Variants in SLCO1B3 observed in about 807,000 individuals in gnomAD.
SLCO1B3 encodes the protein liver-specific organic anion transporter 2.
SLCO1B3 carries 72 observed loss-of-function variants against 71.8 expected under a neutral mutation model. That is an observed-to-expected ratio of 1.00 (90% CI 0.83 to 1.22). The LOEUF is 1.22. Ranked by LOEUF, SLCO1B3 falls within the 50% of genes most tolerant of loss-of-function variation. The pLI, the probability that SLCO1B3 is intolerant of heterozygous loss-of-function variation, is 0.00. For missense variants in SLCO1B3, 911 were observed against 819.7 expected (o/e 1.11, Z -1.36); for synonymous variants, 298 against 278.4 (o/e 1.07, Z -0.70).
chr12:20,910,964 A>G (rs546886724), intron 15 of SLCO1B3, among the ~76,000 whole-genome samples: 3 of 151,434 alleles, frequency 2.0e-5, no homozygotes, highest in African/African-American at 7.3e-5. Context: ...TTTTAATCAC[A>G]TGGACTTTCT....
chr12:20,846,053 TA>T (rs1190684231), intron 3 of SLCO1B3, among the ~76,000 whole-genome samples: 1 of 152,106 alleles, frequency 6.6e-6, no homozygotes, highest in Non-Finnish European at 1.5e-5. Context: ...TTACATCAGA[TA>T]AAACAGACTT....
intron 12 of SLCO1B3, among the ~76,000 whole-genome samples, chr12:20,882,721 T>C (rs1361192321): frequency 6.6e-6 from 1 of 152,136 alleles, no homozygotes; most frequent in East Asian, 1.9e-4. Context: ...TTACAAGTTC[T>C]CCTTCAGTAA....
At chr12:20,839,913 A>G (rs1438663144) in intron 3 of SLCO1B3, among the ~76,000 whole-genome samples, 2 of 152,152 alleles carry the variant, frequency 1.3e-5, no homozygotes, top group African/African-American at 4.8e-5. Context: ...AAGCTCATAT[A>G]GCCTTTTCTC....
chr12:20,815,398 C>T (rs990689164), intron 2 of SLCO1B3, among the ~76,000 whole-genome samples: 3 of 151,974 alleles, frequency 2.0e-5, no homozygotes, highest in African/African-American at 7.2e-5. Context: ...GTTGTTCATA[C>T]AATCTAGTGT....
At chr12:20,855,475 CAA>C (rs560925909) in intron 4 of SLCO1B3, among the ~76,000 whole-genome samples, 19 of 152,162 alleles carry the variant, frequency 1.2e-4, no homozygotes, top group African/African-American at 4.6e-4. Context: ...TGGTCCTACA[CAA>C]ACTCATGGTT....
intron 3 of SLCO1B3, among the ~76,000 whole-genome samples, chr12:20,844,293 G>A (rs571552403): frequency 5.3e-5 from 8 of 151,994 alleles, no homozygotes; most frequent in East Asian, 3.9e-4. Context: ...CTGGCCAGGC[G>A]CAGTGGCTCC....
At chr12:20,862,294 C>T in intron 6 of SLCO1B3, 118 bp from the exon 7 acceptor site, 22 of 1,185,054 alleles carry the variant, frequency 1.9e-5, no homozygotes, top group Non-Finnish European at 2.6e-5. Flanking sequence ...ATATGAATCA[C>T]TTGTAATTAG....
intron 4 of SLCO1B3, among the ~76,000 whole-genome samples, chr12:20,855,565 A>G (rs1400462905): frequency 1.3e-5 from 2 of 151,986 alleles, no homozygotes; most frequent in Non-Finnish European, 2.9e-5. Flanking sequence ...AGGGAGGACG[A>G]TAATTCTTAT....
At chr12:20,909,192 G>A (rs1266603788) in intron 15 of SLCO1B3, among the ~76,000 whole-genome samples, 3 of 141,284 alleles carry the variant, frequency 2.1e-5, no homozygotes, top group African/African-American at 7.9e-5. Context: ...TTGAGACAGA[G>A]TATCACTCTG....
chr12:20,890,065 G>GTA, intron 13 of SLCO1B3, among the ~76,000 whole-genome samples: 1 of 151,774 alleles, frequency 6.6e-6, no homozygotes, highest in East Asian at 1.9e-4. Flanking sequence ...TTAAAGACCT[G>GTA]TGCCACCACA....
intron 8 of SLCO1B3, among the ~76,000 whole-genome samples, chr12:20,873,801 C>T (rs1865524529): frequency 6.6e-6 from 1 of 152,100 alleles, no homozygotes; most frequent in South Asian, 2.1e-4. Context: ...TATTGTTCCC[C>T]TCTTTGTGTT....
intron 8 of SLCO1B3, among the ~76,000 whole-genome samples, chr12:20,871,587 C>T (rs565215481): frequency 6.6e-6 from 1 of 152,198 alleles, no homozygotes; most frequent in Non-Finnish European, 1.5e-5. Context: ...GGACTTTGGC[C>T]ACAACCTCAA....
intron 3 of SLCO1B3, among the ~76,000 whole-genome samples, chr12:20,825,259 C>T (rs1385018155): frequency 1.3e-5 from 2 of 152,098 alleles, no homozygotes; most frequent in African/African-American, 4.8e-5. Flanking sequence ...TATATGGAAA[C>T]TCTGAACTAA....
intron 15 of SLCO1B3, among the ~76,000 whole-genome samples, chr12:20,907,449 C>G (rs1392576805): frequency 7.2e-6 from 1 of 138,520 alleles, no homozygotes; most frequent in Admixed American, 7.4e-5. Flanking sequence ...TTCCCTTCCC[C>G]TTCCTTCCCC....
In SLCO1B3 at chr12:20,836,960, G is replaced by A. The variant is rs61084949; in HGVS notation, c.85-18068G>A. 5.5e-3 allele frequency among the ~76,000 whole-genome samples: 832 copies of A among 152,186 alleles called. 9 individuals carry two copies. Among genetic ancestry groups the A allele is most frequent in the African/African-American group, 0.02 (813 of 41,534 alleles). ...TAGGCCCATTCTTTCTGTTTTTGAA[G>A]GTTATTACTTGACAATCTAATTTCT... On this transcript the variant is annotated intron_variant, in intron 3 of 15. Coordinates refer to ENST00000381545, the MANE Select transcript of SLCO1B3 (RefSeq NM_019844.4).
At chr12:20,903,906 T>C (rs1023116775) in intron 15 of SLCO1B3, among the ~76,000 whole-genome samples, 3 of 152,126 alleles carry the variant, frequency 2.0e-5, no homozygotes, top group Middle Eastern at 3.2e-3. Flanking sequence ...TGAGACAAGG[T>C]AAGTCCCTTC....
chr12:20,899,153 A>C (rs1277707849), intron 14 of SLCO1B3, among the ~76,000 whole-genome samples: 1 of 152,214 alleles, frequency 6.6e-6, no homozygotes, highest in Non-Finnish European at 1.5e-5. Context: ...GCCTATTTCT[A>C]AATATTCAAA....
At chr12:20,876,105 A>G (rs1240667264) in intron 9 of SLCO1B3, among the ~76,000 whole-genome samples, 1 of 151,104 alleles carries the variant, frequency 6.6e-6, no homozygotes, top group Non-Finnish European at 1.5e-5. Flanking sequence ...TTATATATAT[A>G]CATATATAAT....
intron 3 of SLCO1B3, 67 bp downstream of exon 3, chr12:20,815,889 A>G: frequency 1.0e-6 from 1 of 956,242 alleles, no homozygotes; most frequent in Non-Finnish European, 1.6e-6. Flanking sequence ...TAGAAAGGCC[A>G]CTAACTGTCA....
Sources: gnomAD v4.1 joint callset for allele counts (sites outside exome capture counted in the v4.1 genomes callset) on GRCh38, gnomAD v4.1.1 for gene constraint, MANE v1.5 for transcripts, NCBI Gene and HGNC (gene_info 2026-07-23, HGNC 2026-07-21) for gene names.